LINGO2: variants seen among roughly 807,000 people sequenced by gnomAD.
LINGO2 encodes the protein leucine rich repeat and Ig domain containing 2, also known as leucine-rich repeat and immunoglobulin-like domain-containing nogo receptor-interacting protein 2.
In LINGO2, 14 loss-of-function variants were observed where a neutral mutation model predicts 30.6. The ratio of observed to expected loss-of-function variants is 0.46; its 90% confidence interval spans 0.30 to 0.72. The LOEUF (loss-of-function observed/expected upper bound fraction) is 0.72. Ranked by LOEUF, LINGO2 falls within the 30% of genes least tolerant of loss-of-function variation. The pLI is 0.07. For missense variants in LINGO2, 729 were observed against 751.7 expected (o/e 0.97, Z 0.35); for synonymous variants, 317 against 288.5 (o/e 1.10, Z -1.00).
chr9:28,695,414 C>T, the LINGO2 span, among the ~76,000 whole-genome samples: 1 of 151,794 alleles, frequency 6.6e-6, no homozygotes, highest in South Asian at 2.1e-4. Flanking sequence ...TTTATACAGT[C>T]TTTTTATAGG....
the LINGO2 span, among the ~76,000 whole-genome samples, chr9:29,058,414 A>T: frequency 6.6e-6 from 1 of 152,134 alleles, no homozygotes; most frequent in Non-Finnish European, 1.5e-5. Flanking sequence ...CAAGGAGGAA[A>T]AACACCTGGA....
chr9:29,187,199 T>C, the LINGO2 span, among the ~76,000 whole-genome samples: 3 of 152,146 alleles, frequency 2.0e-5, no homozygotes, highest in Non-Finnish European at 2.9e-5. Context: ...TCATAGATAA[T>C]TACATATAAG....
chr9:28,094,272 G>A (rs992874724), intron 4 of LINGO2, among the ~76,000 whole-genome samples: 1 of 152,034 alleles, frequency 6.6e-6, no homozygotes, highest in African/African-American at 2.4e-5. Flanking sequence ...TTTAACTCTT[G>A]TCAAATGAAT....
chr9:28,841,502 G>A, the LINGO2 span, among the ~76,000 whole-genome samples: 1 of 151,594 alleles, frequency 6.6e-6, no homozygotes, highest in South Asian at 2.1e-4. Flanking sequence ...AATATTTAAT[G>A]AACAAAACAG....
chr9:28,737,554 T>G, the LINGO2 span, among the ~76,000 whole-genome samples: 2 of 152,170 alleles, frequency 1.3e-5, no homozygotes, highest in African/African-American at 4.8e-5. Flanking sequence ...TCTTAAGTCA[T>G]ACAGCTAAAG....
intron 2 of LINGO2, among the ~76,000 whole-genome samples, chr9:28,403,033 T>C (rs1032582794): frequency 2.0e-5 from 3 of 152,196 alleles, no homozygotes; most frequent in African/African-American, 7.2e-5. Context: ...TCTAGGGTTT[T>C]TGTGAAAAAT....
chr9:28,275,665 C>A (rs1823090749), intron 4 of LINGO2, among the ~76,000 whole-genome samples: 2 of 152,088 alleles, frequency 1.3e-5, no homozygotes, highest in African/African-American at 4.8e-5. Flanking sequence ...GTTAAACTAT[C>A]CTAAGGCACT....
At chr9:28,927,457 T>G in the LINGO2 span, among the ~76,000 whole-genome samples, 1 of 152,106 alleles carries the variant, frequency 6.6e-6, no homozygotes, top group Non-Finnish European at 1.5e-5. Context: ...GAAGAGCTAA[T>G]CTAACAAGAG....
the LINGO2 span, among the ~76,000 whole-genome samples, chr9:29,112,817 A>G: frequency 1.3e-5 from 2 of 152,206 alleles, no homozygotes; most frequent in Admixed American, 1.3e-4. Context: ...TTGAAAGCTG[A>G]TAAGAAAACA....
chr9:28,206,854 T>G (rs1404487821), intron 4 of LINGO2, among the ~76,000 whole-genome samples: 1 of 152,122 alleles, frequency 6.6e-6, no homozygotes, highest in Non-Finnish European at 1.5e-5. Flanking sequence ...TAATTATTTC[T>G]CCCAACCCAG....
chr9:28,410,602 G>A (rs757762270), intron 2 of LINGO2, among the ~76,000 whole-genome samples: 3 of 152,046 alleles, frequency 2.0e-5, no homozygotes, highest in Admixed American at 6.6e-5. Context: ...CTGCTGCTTC[G>A]TGACTGCCAG....
intron 2 of LINGO2, among the ~76,000 whole-genome samples, chr9:28,403,370 C>T (rs891036436): frequency 6.6e-6 from 1 of 152,164 alleles, no homozygotes; most frequent in Non-Finnish European, 1.5e-5. Flanking sequence ...ATTATTCTGT[C>T]AAAGGCTGCA....
the LINGO2 span, among the ~76,000 whole-genome samples, chr9:29,181,237 A>G: frequency 1.3e-5 from 2 of 152,174 alleles, no homozygotes; most frequent in African/African-American, 2.4e-5. Context: ...TTCCTTATCT[A>G]TGAAATAGAA....
chr9:28,333,765 AT>A, intron 3 of LINGO2, among the ~76,000 whole-genome samples: 1 of 152,254 alleles, frequency 6.6e-6, no homozygotes, highest in East Asian at 1.9e-4. Context: ...TACAACTACT[AT>A]GTAAGATATT....
the LINGO2 span, among the ~76,000 whole-genome samples, chr9:28,816,385 T>C: frequency 6.6e-6 from 1 of 152,240 alleles, no homozygotes; most frequent in African/African-American, 2.4e-5. Flanking sequence ...CTCACCTTTT[T>C]AAACTCAATA....
At chr9:28,093,846 ATTTT>A (rs201444114) in intron 4 of LINGO2, among the ~76,000 whole-genome samples, 1 of 148,806 alleles carries the variant, frequency 6.7e-6, no homozygotes, top group Admixed American at 6.7e-5. Context: ...GTAGCTAAAC[ATTTT>A]TTTTTTTATT....
chr9:28,835,751 T>G, the LINGO2 span, among the ~76,000 whole-genome samples: 2 of 152,188 alleles, frequency 1.3e-5, no homozygotes, highest in Non-Finnish European at 2.9e-5. Context: ...AACTTCTTTC[T>G]CATTTGCTAA....
intron 5 of LINGO2, among the ~76,000 whole-genome samples, chr9:28,001,148 T>A (rs1468679469): frequency 1.3e-5 from 2 of 152,226 alleles, no homozygotes; most frequent in Non-Finnish European, 2.9e-5. Context: ...AATTTTTTTT[T>A]AACTATAGAA....
chr9:28,815,991 G>GC, the LINGO2 span, among the ~76,000 whole-genome samples: 5 of 152,138 alleles, frequency 3.3e-5, no homozygotes, highest in East Asian at 5.8e-4. Flanking sequence ...AGATCAAGGA[G>GC]CCCCATCCAG....
Sources: allele counts gnomAD v4.1 joint callset (sites outside exome capture counted in the v4.1 genomes callset), GRCh38; gene constraint gnomAD v4.1.1; transcripts MANE v1.5; gene names NCBI Gene and HGNC (gene_info 2026-07-23, HGNC 2026-07-21).